ROR2: variants seen among roughly 807,000 people sequenced by gnomAD.
ROR2 encodes tyrosine-protein kinase transmembrane receptor ROR2.
A neutral mutation model predicts 74.9 loss-of-function variants in ROR2; 33 were observed. That is an observed-to-expected ratio of 0.44 (90% confidence interval 0.33 to 0.59). The LOEUF (loss-of-function observed/expected upper bound fraction) is 0.59. Ranked by LOEUF, ROR2 falls within the 20% of genes least tolerant of loss-of-function variation. ROR2 has a pLI of 0.02. For missense variants in ROR2, 1,216 were observed against 1,313.8 expected (o/e 0.93, Z 1.15); for synonymous variants, 586 against 558.7 (o/e 1.05, Z -0.69).
rs571395192 is a variant in ROR2, at chr9:91,733,957, C to T, written c.623-521G>A. 2.6e-5 allele frequency among the ~76,000 whole-genome samples: 4 copies of T among 152,066 alleles called. No homozygotes were observed. Among genetic ancestry groups the T allele is most frequent in the Non-Finnish European group, 5.9e-5 (4 of 68,022 alleles). Reference sequence around the variant, plus strand: ...GCTGGAGGAGACAGTTGGTAAAATGCGGAAAGCCAAGAGGGTGAGAGCAGC... The same window carrying T: ...GCTGGAGGAGACAGTTGGTAAAATGTGGAAAGCCAAGAGGGTGAGAGCAGC... On this transcript the variant is annotated intron_variant, in intron 5 of 8. Transcript: ENST00000375708. This position sits in a 1 kb window ranked among gnomAD's most constrained non-coding sequence, Gnocchi z 5.7.
At chr9:91,926,516 A>C (rs906005962) in intron 1 of ROR2, among the ~76,000 whole-genome samples, 4 of 144,610 alleles carry the variant, frequency 2.8e-5, no homozygotes, top group African/African-American at 1.0e-4. Flanking sequence ...ACTGCACTCC[A>C]GCCTGGGCGA....
At chr9:91,763,103 A>G (rs539913517) in intron 2 of ROR2, among the ~76,000 whole-genome samples, 1 of 152,332 alleles carries the variant, frequency 6.6e-6, no homozygotes, top group South Asian at 2.1e-4. Flanking sequence ...GTTCTCACTT[A>G]TAAGTGGGAA....
At chr9:91,778,899 T>C (rs1433302914) in intron 1 of ROR2, among the ~76,000 whole-genome samples, 1 of 152,170 alleles carries the variant, frequency 6.6e-6, no homozygotes, top group East Asian at 1.9e-4. Context: ...TTTTGATACT[T>C]TTTAAAGAGA....
intron 1 of ROR2, among the ~76,000 whole-genome samples, chr9:91,825,344 C>T (rs182671486): frequency 2.8e-4 from 42 of 152,288 alleles, no homozygotes; most frequent in African/African-American, 9.9e-4. Flanking sequence ...CACCTGGACA[C>T]CTGGGGCGAA....
At chr9:91,904,663 C>T (rs918234648) in intron 1 of ROR2, among the ~76,000 whole-genome samples, 2 of 152,186 alleles carry the variant, frequency 1.3e-5, no homozygotes, top group Non-Finnish European at 2.9e-5. Context: ...CAGCAAGACA[C>T]ACAGGATGTC....
intron 2 of ROR2, among the ~76,000 whole-genome samples, chr9:91,758,370 G>A (rs60217100): frequency 0.03 from 4,587 of 152,150 alleles, 235 homozygotes; most frequent in African/African-American, 0.1. Flanking sequence ...GTAAATTCAC[G>A]CTCAGAAAGT....
intron 1 of ROR2, among the ~76,000 whole-genome samples, chr9:91,852,638 CA>C (rs1350695554): frequency 4.0e-5 from 6 of 151,378 alleles, no homozygotes; most frequent in Non-Finnish European, 7.4e-5. Flanking sequence ...CACACACACA[CA>C]CACACACACA....
At chr9:91,742,250 G>A (rs530778808) in intron 4 of ROR2, among the ~76,000 whole-genome samples, 6 of 152,232 alleles carry the variant, frequency 3.9e-5, no homozygotes, top group East Asian at 1.9e-4. Context: ...AGGAAAGACC[G>A]ACCCCCATGA....
intron 1 of ROR2, among the ~76,000 whole-genome samples, chr9:91,841,483 C>T (rs548384502): frequency 3.3e-5 from 5 of 152,150 alleles, no homozygotes; most frequent in Admixed American, 2.0e-4. Context: ...TGGCAAAGGC[C>T]GGAAGCTCTT....
intron 2 of ROR2, among the ~76,000 whole-genome samples, chr9:91,764,493 G>C (rs1826001917): frequency 6.6e-6 from 1 of 150,816 alleles, no homozygotes; most frequent in Non-Finnish European, 1.5e-5. Context: ...ACTTTTTATA[G>C]GCTTACCTAA....
intron 2 of ROR2, among the ~76,000 whole-genome samples, chr9:91,761,918 C>T (rs1825925662): frequency 6.6e-6 from 1 of 152,152 alleles, no homozygotes; most frequent in African/African-American, 2.4e-5. Context: ...TTCTTCCCTG[C>T]TATATAAAGC....
At chr9:91,759,337 C>T (rs888520830) in intron 2 of ROR2, among the ~76,000 whole-genome samples, 7 of 152,198 alleles carry the variant, frequency 4.6e-5, no homozygotes, top group African/African-American at 7.2e-5. Context: ...TTATTATTAA[C>T]ATCATTAGGT....
At chr9:91,762,205 G>T in intron 2 of ROR2, among the ~76,000 whole-genome samples, 1 of 152,130 alleles carries the variant, frequency 6.6e-6, no homozygotes, top group Admixed American at 6.6e-5. Flanking sequence ...GGTTTCCTAA[G>T]GACCTCTGTG....
chr9:91,737,733 A>G (rs780409761), intron 4 of ROR2, among the ~76,000 whole-genome samples: 76 of 152,342 alleles, frequency 5.0e-4, no homozygotes, highest in Non-Finnish European at 5.9e-4. Flanking sequence ...TGGAAGCAAT[A>G]AGATGTCTTT....
At chr9:91,889,914 C>T (rs1216218875) in intron 1 of ROR2, among the ~76,000 whole-genome samples, 1 of 152,182 alleles carries the variant, frequency 6.6e-6, no homozygotes, top group South Asian at 2.1e-4. Context: ...CCCATAAGAA[C>T]AGTGGGTATA....
Position 91,757,542 on chromosome 9 carries a change from G to A in ROR2, c.193C>T (p.Leu65=), listed in dbSNP as rs1339607138. The change falls in exon 3 of 9, where the codon CTG becomes TTG. Residue 65 remains leucine (L), a synonymous_variant. Transcript: ENST00000375708. ...ATGGTGATATTGTTTACTGGCTCCA[G>A]AAAATTCAGAAAGTAACCTGCCAAG... is the stretch of plus-strand genomic sequence containing the variant. ...PTLKGYFLNF[L]EPVNNITIVQ... The A allele has an allele frequency of 6.2e-7, 1 of 1,613,672 alleles. No individual in the cohort carries two copies. The highest frequency in any genetic ancestry group is 8.5e-7 in the Non-Finnish European group (1 of 1,179,946).
intron 6 of ROR2, among the ~76,000 whole-genome samples, chr9:91,732,718 C>T (rs1462016920): frequency 1.3e-5 from 2 of 152,204 alleles, no homozygotes; most frequent in East Asian, 1.9e-4. Context: ...TTTCGCCTGG[C>T]GGCCCGAGTG....
chr9:91,900,363 C>T (rs1830642152), intron 1 of ROR2, among the ~76,000 whole-genome samples: 1 of 152,236 alleles, frequency 6.6e-6, no homozygotes, highest in Admixed American at 6.5e-5. Flanking sequence ...TCAATGACAG[C>T]GGCTGAGAGG....
At chr9:91,784,336 C>T (rs1403366327) in intron 1 of ROR2, among the ~76,000 whole-genome samples, 3 of 152,216 alleles carry the variant, frequency 2.0e-5, no homozygotes, top group Non-Finnish European at 4.4e-5. Flanking sequence ...GCAGCACCCC[C>T]TGGCCCCCAC....
Sources: allele counts gnomAD v4.1 joint callset (sites outside exome capture counted in the v4.1 genomes callset), GRCh38; gene constraint gnomAD v4.1.1; non-coding constraint Gnocchi (gnomAD v3.1); transcripts MANE v1.5; gene names NCBI Gene and HGNC (gene_info 2026-07-23, HGNC 2026-07-21).